The following CAB39 variants were observed in gnomAD, a reference collection of about 807,000 sequenced individuals.
CAB39 encodes the protein calcium-binding protein 39.
In CAB39, 8 loss-of-function variants were observed where a neutral mutation model predicts 40.0. The observed-to-expected ratio is 0.20, with a 90% CI of 0.12 to 0.36. The LOEUF (loss-of-function observed/expected upper bound fraction) is 0.36. Ranked by LOEUF, CAB39 falls within the 10% of genes least tolerant of loss-of-function variation. The pLI, the probability that CAB39 is intolerant of heterozygous loss-of-function variation, is 1.00. For synonymous variants in CAB39, 156 were observed against 141.6 expected, an observed-to-expected ratio of 1.10 and a Z score of -0.72; for missense variants, 270 against 401.1, an observed-to-expected ratio of 0.67 and a Z score of 2.79.
intron 1 of CAB39, among the ~76,000 whole-genome samples, chr2:230,731,982 G>T (rs1694699306): frequency 6.6e-6 from 1 of 152,094 alleles, no homozygotes; most frequent in African/African-American, 2.4e-5. Context: ...CCATTTAATG[G>T]AGTATCCTAA....
intron 2 of CAB39, among the ~76,000 whole-genome samples, chr2:230,760,699 G>A (rs982632697): frequency 4.6e-5 from 7 of 152,042 alleles, no homozygotes; most frequent in South Asian, 4.1e-4. Flanking sequence ...CAGTGTATCC[G>A]TGCCAAATGC....
At chr2:230,745,946 A>C (rs1423693070) in intron 1 of CAB39, among the ~76,000 whole-genome samples, 1 of 152,100 alleles carries the variant, frequency 6.6e-6, no homozygotes, top group Non-Finnish European at 1.5e-5. Flanking sequence ...TTAAAAAAAA[A>C]ATTTTTTTAA....
At chr2:230,735,197 C>T (rs372616108) in intron 1 of CAB39, among the ~76,000 whole-genome samples, 3 of 152,020 alleles carry the variant, frequency 2.0e-5, no homozygotes, top group Admixed American at 6.5e-5. Context: ...AGAGAGTTGT[C>T]GCTCTGTCAC....
intron 1 of CAB39, among the ~76,000 whole-genome samples, chr2:230,728,391 A>T (rs2124869036): frequency 6.6e-6 from 1 of 151,766 alleles, no homozygotes; most frequent in Admixed American, 6.6e-5. Flanking sequence ...GCTCACTGCA[A>T]CTCTTCCACC....
intron 2 of CAB39, chr2:230,779,272 C>G (rs1380809242): frequency 1.3e-5 from 2 of 152,244 alleles, no homozygotes. Context: ...CAGACCCTTT[C>G]CTCTGTGCTG....
chr2:230,752,194 G>A (rs528116172), intron 1 of CAB39: 100 of 151,270 alleles, frequency 6.6e-4, no homozygotes, highest in African/African-American at 2.4e-3. Context: ...GAGAAGATAA[G>A]CATGGCCCCT....
rs190046895 is a variant in CAB39 at position 230,782,055 on chromosome 2, G to A, written c.115-8817G>A. Reference sequence around the variant, plus strand: ...AATTTTTGCATTTTTTAGTAGAGACGGGGTTTCACCAAGTTGGCCAGGTTG... The same window carrying A: ...AATTTTTGCATTTTTTAGTAGAGACAGGGTTTCACCAAGTTGGCCAGGTTG... On this transcript the variant is annotated intron_variant, in intron 2 of 8. Coordinates refer to ENST00000258418, the MANE Select transcript of CAB39 (RefSeq NM_016289.4). 8.5e-3 allele frequency among the ~76,000 whole-genome samples: 1,293 copies of A among 152,072 alleles called. 18 individuals are homozygous for A. Among genetic ancestry groups the A allele is most frequent in the African/African-American group, 0.028 (1,158 of 41,460 alleles).
intron 1 of CAB39, among the ~76,000 whole-genome samples, chr2:230,718,305 T>G (rs1694388091): frequency 6.6e-6 from 1 of 152,254 alleles, no homozygotes; most frequent in Non-Finnish European, 1.5e-5. Flanking sequence ...TGTAACTTGC[T>G]CTTTACAGTG....
At chr2:230,732,322 T>G (rs1360685492) in intron 1 of CAB39, among the ~76,000 whole-genome samples, 2 of 152,132 alleles carry the variant, frequency 1.3e-5, no homozygotes, top group Non-Finnish European at 2.9e-5. Flanking sequence ...GACCTCGTGA[T>G]CCACCCACCT....
At chr2:230,750,331 G>A (rs1695063648) in intron 1 of CAB39, among the ~76,000 whole-genome samples, 1 of 152,180 alleles carries the variant, frequency 6.6e-6, no homozygotes, top group Non-Finnish European at 1.5e-5. Context: ...CTTTTATAAA[G>A]TGAGGCCACC....
chr2:230,765,132 G>A (rs571912548), intron 2 of CAB39, among the ~76,000 whole-genome samples: 40 of 152,226 alleles, frequency 2.6e-4, no homozygotes, highest in African/African-American at 8.9e-4. Flanking sequence ...GACTACAGGC[G>A]TGCACCACCA....
intron 2 of CAB39, among the ~76,000 whole-genome samples, chr2:230,789,173 A>G (rs2124954770): frequency 6.6e-6 from 1 of 152,268 alleles, no homozygotes; most frequent in East Asian, 1.9e-4. Flanking sequence ...CCCATCTGGT[A>G]TAATTTTTAT....
chr2:230,742,268 G>A (rs540527524), intron 1 of CAB39, among the ~76,000 whole-genome samples: 35 of 152,082 alleles, frequency 2.3e-4, no homozygotes, highest in African/African-American at 8.0e-4. Context: ...TCCGTCTCCC[G>A]GGTTCACGCC....
In CAB39 at chr2:230,713,218, C is replaced by A. The variant is rs551074212; in HGVS notation, c.-56C>A. 1.5e-3 allele frequency: 224 copies of A among 152,334 alleles called. No individual in the cohort carries two copies. The highest frequency in any genetic ancestry group is 2.9e-3 in the South Asian group (14 of 4,836). 9.4% of individuals were successfully genotyped at this position (152,334 alleles called of 1,614,324 possible). A position where few individuals can be genotyped will look rare whatever the true frequency, so the allele number is the denominator to read the frequency against. On this transcript the variant is annotated 5_prime_UTR_variant, in exon 1 of 9. Coordinates refer to ENST00000258418, the MANE Select transcript of CAB39 (RefSeq NM_016289.4). ...GACGCGGAGGCAGAGAAGGGAACGC[C>A]CGGCCCAGCCCCGTGAGTGACCCCC...
chr2:230,776,788 T>A (rs992836221), intron 2 of CAB39, among the ~76,000 whole-genome samples: 3 of 151,972 alleles, frequency 2.0e-5, no homozygotes, highest in Non-Finnish European at 2.9e-5. Context: ...CCTCCTGGGT[T>A]CATGCCATTC....
At chr2:230,758,783 G>T (rs138091813) in intron 1 of CAB39, among the ~76,000 whole-genome samples, 55 of 152,314 alleles carry the variant, frequency 3.6e-4, no homozygotes, top group Non-Finnish European at 6.2e-4. Flanking sequence ...GAAACTTACA[G>T]TCAGAAAACC....
At chr2:230,761,071 T>C (rs1226839611) in intron 2 of CAB39, among the ~76,000 whole-genome samples, 2 of 152,118 alleles carry the variant, frequency 1.3e-5, no homozygotes, top group Admixed American at 6.5e-5. Context: ...TTTTTTTTTT[T>C]TTTTACTTTG....
At chr2:230,758,573 A>G (rs552791011) in intron 1 of CAB39, among the ~76,000 whole-genome samples, 5 of 152,332 alleles carry the variant, frequency 3.3e-5, no homozygotes, top group South Asian at 4.1e-4. Context: ...AAGTCACTCT[A>G]TTTCAAACTT....
intron 1 of CAB39, among the ~76,000 whole-genome samples, chr2:230,752,926 G>A (rs1559598449): frequency 6.6e-6 from 1 of 152,266 alleles, no homozygotes; most frequent in African/African-American, 2.4e-5. Context: ...GGATTGCCTG[G>A]AGGACATCTA....
Sources: allele counts gnomAD v4.1 joint callset (sites outside exome capture counted in the v4.1 genomes callset), GRCh38; gene constraint gnomAD v4.1.1; transcripts MANE v1.5; gene names NCBI Gene and HGNC (gene_info 2026-07-23, HGNC 2026-07-21).